The following DLG2 variants were observed in gnomAD, a reference collection of about 807,000 sequenced individuals.
DLG2 encodes discs large MAGUK scaffold protein 2, also known as disks large homolog 2.
DLG2 carries 45 observed loss-of-function variants against 132.5 expected under a neutral mutation model. That is an observed-to-expected ratio of 0.34 (90% CI 0.27 to 0.44). DLG2 has a LOEUF of 0.44. DLG2 is among the 20% of genes least tolerant of loss of function. The pLI is 1.00. For synonymous variants in DLG2, 424 were observed against 419.6 expected, an observed-to-expected ratio of 1.01 and a Z score of -0.13; for missense variants, 1,045 against 1,196.9, an observed-to-expected ratio of 0.87 and a Z score of 1.87.
At chr11:84,280,949 C>T (rs942817349) in intron 7 of DLG2, among the ~76,000 whole-genome samples, 1 of 133,026 alleles carries the variant, frequency 7.5e-6, no homozygotes, top group East Asian at 2.2e-4. Flanking sequence ...TCTCGATTTC[C>T]TGACCTCGTG....
chr11:85,044,086 C>T (rs1475087906), intron 6 of DLG2, among the ~76,000 whole-genome samples: 1 of 151,976 alleles, frequency 6.6e-6, no homozygotes, highest in Non-Finnish European at 1.5e-5. Flanking sequence ...CCTCCATGCA[C>T]ATGCTGTTAC....
intron 4 of DLG2, among the ~76,000 whole-genome samples, chr11:85,235,093 A>G (rs2075512463): frequency 6.6e-6 from 1 of 152,046 alleles, no homozygotes; most frequent in Admixed American, 6.6e-5. Flanking sequence ...AGAGCATGTA[A>G]TAAGGCAGAT....
chr11:85,113,490 C>T (rs962482449), intron 5 of DLG2, among the ~76,000 whole-genome samples: 1 of 151,922 alleles, frequency 6.6e-6, no homozygotes, highest in Admixed American at 6.6e-5. Context: ...AAGATCTTCT[C>T]GTACGTGTTT....
At chr11:84,775,336 T>G (rs989394691) in intron 6 of DLG2, among the ~76,000 whole-genome samples, 1 of 152,128 alleles carries the variant, frequency 6.6e-6, no homozygotes, top group African/African-American at 2.4e-5. Context: ...GGAATGTAAA[T>G]TAGTCCAGCC....
At chr11:83,857,781 G>T (rs1471465551) in intron 16 of DLG2, among the ~76,000 whole-genome samples, 2 of 151,244 alleles carry the variant, frequency 1.3e-5, no homozygotes, top group African/African-American at 4.9e-5. Flanking sequence ...ATGTGTTGGG[G>T]CAGGACACAC....
intron 20 of DLG2, among the ~76,000 whole-genome samples, chr11:83,534,709 TGTG>T (rs997047516): frequency 6.6e-6 from 1 of 152,092 alleles, no homozygotes; most frequent in African/African-American, 2.4e-5. Context: ...CTGAGGCAGG[TGTG>T]TATCACCTGA....
At chr11:84,728,000 C>A (rs568073291) in intron 6 of DLG2, among the ~76,000 whole-genome samples, 1 of 152,238 alleles carries the variant, frequency 6.6e-6, no homozygotes, top group South Asian at 2.1e-4. Flanking sequence ...TGGACTGAGA[C>A]GATGGGGTTT....
At chr11:83,862,855 G>A (rs1035739126) in intron 16 of DLG2, among the ~76,000 whole-genome samples, 2 of 152,156 alleles carry the variant, frequency 1.3e-5, no homozygotes, top group Non-Finnish European at 1.5e-5. Flanking sequence ...CATAGTAGAA[G>A]CAGGAACTTT....
chr11:85,247,381 T>G (rs74670688), intron 4 of DLG2, among the ~76,000 whole-genome samples: 10 of 151,902 alleles, frequency 6.6e-5, no homozygotes, highest in African/African-American at 2.4e-4. Flanking sequence ...TCATAGACCA[T>G]AGGAATATAC....
At chr11:84,705,679 T>A (rs1044887283) in intron 6 of DLG2, among the ~76,000 whole-genome samples, 3 of 151,782 alleles carry the variant, frequency 2.0e-5, no homozygotes, top group Non-Finnish European at 4.4e-5. Flanking sequence ...ACCAAGCGAT[T>A]CATTTATTTG....
chr11:83,619,768 A>C (rs1392145308), intron 19 of DLG2, among the ~76,000 whole-genome samples: 1 of 152,162 alleles, frequency 6.6e-6, no homozygotes, highest in African/African-American at 2.4e-5. Context: ...AATGGTGTTC[A>C]TTCAGCATAG....
intron 18 of DLG2, among the ~76,000 whole-genome samples, chr11:83,679,801 C>T (rs2078423361): frequency 1.3e-5 from 2 of 152,182 alleles, no homozygotes; most frequent in African/African-American, 4.8e-5. Context: ...TTTTCCCCTC[C>T]TCCATTTTAC....
chr11:83,548,011 A>G (rs527498131), intron 19 of DLG2, among the ~76,000 whole-genome samples: 1 of 152,278 alleles, frequency 6.6e-6, no homozygotes, highest in South Asian at 2.1e-4. Flanking sequence ...AATACTTCTT[A>G]TGGAAATCTG....
At chr11:85,415,019 C>A (rs1344029768) in intron 3 of DLG2, among the ~76,000 whole-genome samples, 1 of 152,004 alleles carries the variant, frequency 6.6e-6, no homozygotes. Flanking sequence ...TAGCCCCACA[C>A]CCCCTGACAG....
intron 14 of DLG2, among the ~76,000 whole-genome samples, chr11:83,952,031 T>C (rs1156566701): frequency 1.3e-5 from 2 of 152,096 alleles, no homozygotes; most frequent in Non-Finnish European, 2.9e-5. Flanking sequence ...ACAGCTCCCA[T>C]AGAACCGTCA....
At chr11:85,109,818 C>T (rs919101574) in intron 6 of DLG2, among the ~76,000 whole-genome samples, 2 of 151,996 alleles carry the variant, frequency 1.3e-5, no homozygotes, top group Non-Finnish European at 2.9e-5. Context: ...TCTGAAAACA[C>T]ACGTTCTATG....
chr11:85,087,148 A>C (rs1463635923), intron 6 of DLG2, among the ~76,000 whole-genome samples: 1 of 152,198 alleles, frequency 6.6e-6, no homozygotes, highest in Non-Finnish European at 1.5e-5. Flanking sequence ...TATATAGTGA[A>C]CAGAATAGAC....
intron 6 of DLG2, among the ~76,000 whole-genome samples, chr11:85,091,397 T>C (rs1366219244): frequency 1.3e-5 from 2 of 152,182 alleles, no homozygotes; most frequent in Non-Finnish European, 2.9e-5. Context: ...TGGCTGCTGA[T>C]TGATCAGGAT....
intron 6 of DLG2, among the ~76,000 whole-genome samples, chr11:84,666,053 T>G (rs542226661): frequency 2.0e-5 from 3 of 152,330 alleles, no homozygotes; most frequent in African/African-American, 7.2e-5. Context: ...TCACTAGGAA[T>G]TCGGCTAACA....
Sources: allele counts gnomAD v4.1 joint callset (sites outside exome capture counted in the v4.1 genomes callset), GRCh38; gene constraint gnomAD v4.1.1; transcripts MANE v1.5; gene names NCBI Gene and HGNC (gene_info 2026-07-23, HGNC 2026-07-21).